The following FOXP1 variants were observed in gnomAD, a reference collection of about 807,000 sequenced individuals.
The protein encoded by FOXP1 is forkhead box P1, also known as forkhead box protein P1.
FOXP1 carries 15 observed loss-of-function variants against 98.2 expected under a neutral mutation model. The ratio of observed to expected loss-of-function variants is 0.15; its 90% CI spans 0.10 to 0.24. FOXP1 has a LOEUF of 0.24. FOXP1 is among the 10% of genes least tolerant of loss of function. The pLI, the probability that FOXP1 is intolerant of heterozygous loss-of-function variation, is 1.00. For synonymous variants in FOXP1, 371 were observed against 314.5 expected (o/e 1.18, Z -1.90); for missense variants, 633 against 848.5 (o/e 0.75, Z 3.15).
chr3:71,582,006 C>A (rs2048213413), intron 1 of FOXP1: 11 of 969,678 alleles, frequency 1.1e-5, no homozygotes, highest in Non-Finnish European at 1.3e-5. Flanking sequence ...GATACGATCA[C>A]GGGCGCAAGG....
chr3:71,412,637 G>C (rs975151698), intron 3 of FOXP1, among the ~76,000 whole-genome samples: 3 of 152,094 alleles, frequency 2.0e-5, no homozygotes, highest in Admixed American at 2.0e-4. Flanking sequence ...CCTTGTCCTT[G>C]GGTAAGTAGA....
At chr3:71,054,293 G>T (rs972495241) in intron 7 of FOXP1, among the ~76,000 whole-genome samples, 1 of 152,116 alleles carries the variant, frequency 6.6e-6, no homozygotes, top group Non-Finnish European at 1.5e-5. Context: ...CAGACCCTTC[G>T]CATGATGCCT....
rs527672636 is a variant in FOXP1 at position 71,383,677 on chromosome 3, C to G, written c.-167-24433G>C. Reference sequence around the variant, plus strand: ...TGCACATGTACTTAACTAAAAAGATCATTTTACTAGTCAGCTCATCCTTGA... The same window carrying G: ...TGCACATGTACTTAACTAAAAAGATGATTTTACTAGTCAGCTCATCCTTGA... On this transcript the variant is annotated intron_variant, in intron 3 of 20. Coordinates refer to ENST00000649528, the MANE Select transcript of FOXP1 (RefSeq NM_001349338.3). 9.2e-5 allele frequency among the ~76,000 whole-genome samples: 14 copies of G among 152,220 alleles called. No individual in the cohort carries two copies. The South Asian group carries it at 1.9e-3, about 20-fold the overall frequency.
chr3:71,062,845 T>C (rs2051734400), intron 7 of FOXP1, among the ~76,000 whole-genome samples: 1 of 152,238 alleles, frequency 6.6e-6, no homozygotes, highest in African/African-American at 2.4e-5. Context: ...TCAATAGATT[T>C]CTTTCTTAGA....
chr3:71,469,690 G>A (rs773150807), intron 3 of FOXP1, among the ~76,000 whole-genome samples: 7 of 152,206 alleles, frequency 4.6e-5, no homozygotes, highest in Non-Finnish European at 1.0e-4. Flanking sequence ...TGAATGTAAT[G>A]AGGGAGGAAA....
At chr3:71,448,511 C>G (rs530875225) in intron 3 of FOXP1, among the ~76,000 whole-genome samples, 1 of 152,254 alleles carries the variant, frequency 6.6e-6, no homozygotes, top group East Asian at 1.9e-4. Context: ...AGCACTGGCT[C>G]ATGGGTTAGG....
chr3:71,130,506 T>C (rs1450250500), intron 6 of FOXP1: 4 of 1,598,182 alleles, frequency 2.5e-6, no homozygotes, highest in Middle Eastern at 1.6e-4. Flanking sequence ...ACAGAGAAAA[T>C]GAAGAGTTTG....
intron 2 of FOXP1, among the ~76,000 whole-genome samples, chr3:71,515,852 C>T (rs1430641013): frequency 1.3e-5 from 2 of 152,102 alleles, no homozygotes; most frequent in African/African-American, 2.4e-5. Flanking sequence ...AAACAAAAAA[C>T]GTCATCTTTT....
chr3:70,986,203 G>C (rs1575887532), intron 14 of FOXP1, among the ~76,000 whole-genome samples: 1 of 151,986 alleles, frequency 6.6e-6, no homozygotes, highest in Admixed American at 6.6e-5. Context: ...CTTAACACTG[G>C]TCCACGTGAA....
At chr3:71,565,790 G>A (rs2046866744) in intron 2 of FOXP1, among the ~76,000 whole-genome samples, 3 of 152,176 alleles carry the variant, frequency 2.0e-5, no homozygotes, top group Non-Finnish European at 4.4e-5. Flanking sequence ...GGGTTTGGAT[G>A]TTTAAATGAT....
At chr3:71,190,584 G>A (rs1277615031) in intron 6 of FOXP1, among the ~76,000 whole-genome samples, 1 of 131,984 alleles carries the variant, frequency 7.6e-6, no homozygotes. Flanking sequence ...AGCCATGATC[G>A]CAACCCTGTA....
intron 2 of FOXP1, among the ~76,000 whole-genome samples, chr3:71,539,193 G>C (rs1578084617): frequency 6.7e-6 from 1 of 149,430 alleles, no homozygotes. Flanking sequence ...CTCACTGCAA[G>C]CTCCGCCTCC....
intron 2 of FOXP1, among the ~76,000 whole-genome samples, chr3:71,498,729 A>T (rs1383007333): frequency 6.6e-6 from 1 of 152,192 alleles, no homozygotes; most frequent in Non-Finnish European, 1.5e-5. Context: ...AGCAACTCAC[A>T]GACATCTTGA....
chr3:71,275,885 C>T (rs2070832927), intron 5 of FOXP1, among the ~76,000 whole-genome samples: 1 of 152,106 alleles, frequency 6.6e-6, no homozygotes, highest in Non-Finnish European at 1.5e-5. Flanking sequence ...TCCTTTCCTA[C>T]CTTTAACATA....
intron 3 of FOXP1, among the ~76,000 whole-genome samples, chr3:71,374,271 G>T (rs550505006): frequency 2.6e-5 from 4 of 152,166 alleles, no homozygotes; most frequent in Non-Finnish European, 5.9e-5. Context: ...TCTTGTGGAA[G>T]TATTTTATTC....
intron 12 of FOXP1, among the ~76,000 whole-genome samples, chr3:71,006,806 T>C (rs1310676019): frequency 2.0e-5 from 3 of 152,148 alleles, no homozygotes; most frequent in African/African-American, 7.2e-5. Context: ...ATTGCATAAG[T>C]AGACATTCAA....
chr3:71,567,134 T>C (rs2046974191), intron 2 of FOXP1, among the ~76,000 whole-genome samples: 2 of 152,262 alleles, frequency 1.3e-5, no homozygotes, highest in African/African-American at 4.8e-5. Flanking sequence ...ATTTTTAAAC[T>C]TCCCCATTTC....
At chr3:70,962,274 T>C (rs1430896747) in intron 20 of FOXP1, among the ~76,000 whole-genome samples, 1 of 152,208 alleles carries the variant, frequency 6.6e-6, no homozygotes, top group Non-Finnish European at 1.5e-5. Flanking sequence ...TCTTTCTCTT[T>C]TACTGTTTGT....
intron 6 of FOXP1, among the ~76,000 whole-genome samples, chr3:71,135,508 G>A (rs769492432): frequency 6.6e-6 from 1 of 152,120 alleles, no homozygotes; most frequent in Non-Finnish European, 1.5e-5. Context: ...GGGCTGCCCT[G>A]TTCCTTGGAG....
Sources: gnomAD v4.1 joint callset for allele counts (sites outside exome capture counted in the v4.1 genomes callset) on GRCh38, gnomAD v4.1.1 for gene constraint, MANE v1.5 for transcripts, NCBI Gene and HGNC (gene_info 2026-07-23, HGNC 2026-07-21) for gene names.